ME2: variants seen among roughly 807,000 people sequenced by gnomAD.
ME2 encodes the protein malic enzyme 2.
A neutral mutation model predicts 73.7 loss-of-function variants in ME2; 60 were observed. That is an observed-to-expected ratio of 0.81 (90% confidence interval 0.66 to 1.01). ME2 has a LOEUF of 1.01. ME2 is among the 50% of genes least tolerant of loss of function. ME2 has a pLI of 0.00. For synonymous variants in ME2, 199 were observed against 236.9 expected (o/e 0.84, Z 1.47); for missense variants, 594 against 705.5 (o/e 0.84, Z 1.79).
At chr18:50,898,213 A>C (rs1317692254) in intron 2 of ME2, among the ~76,000 whole-genome samples, 1 of 152,228 alleles carries the variant, frequency 6.6e-6, no homozygotes, top group Non-Finnish European at 1.5e-5. Flanking sequence ...ATCTTCTTAA[A>C]TGTATGTCTG....
In ME2 at chr18:50,949,401, A is replaced by G. The variant is rs942297357; in HGVS notation, c.*2217A>G. 6.6e-6 allele frequency: 1 copy of G among 152,272 alleles called. No homozygotes were observed. Among genetic ancestry groups the G allele is most frequent in the Non-Finnish European group, 1.5e-5 (1 of 68,140 alleles). The allele number at this position is 152,272 out of a possible 1,614,324, so 9.4% of individuals were successfully genotyped here. Reference sequence around the variant, plus strand: ...CGGTGGCTGTTCACAGGCGTGGGTCATAGAGCACTGCAGCCTGGAACTCCT... The same window carrying G: ...CGGTGGCTGTTCACAGGCGTGGGTCGTAGAGCACTGCAGCCTGGAACTCCT... On this transcript the variant is annotated 3_prime_UTR_variant, in exon 16 of 16. Transcript: ENST00000321341.
chr18:50,927,657 G>A (rs1040826261), intron 12 of ME2, among the ~76,000 whole-genome samples: 4 of 143,774 alleles, frequency 2.8e-5, no homozygotes, highest in East Asian at 2.0e-4. Flanking sequence ...AGCCGAGATC[G>A]CACCACTGCA....
rs564963370 is a variant in ME2 at position 50,879,134 on chromosome 18, G to T, written c.-187G>T. 2 of 152,196 alleles carry T rather than the reference G, an allele frequency of 1.3e-5. No homozygotes were observed. Among genetic ancestry groups the T allele is most frequent in the African/African-American group, 2.4e-5 (1 of 41,442 alleles). 9.4% of individuals were successfully genotyped at this position (152,196 alleles called of 1,614,324 possible). On this transcript the variant is annotated 5_prime_UTR_variant, in exon 1 of 16. Transcript: ENST00000321341. ...CCCTCCCCTCTCTCGGCCGCTCTTC[G>T]GGCCGCCTCTGCGTGTGGGGCCGCC...
At chr18:50,884,409 G>A (rs962432959) in intron 1 of ME2, among the ~76,000 whole-genome samples, 3 of 152,212 alleles carry the variant, frequency 2.0e-5, no homozygotes, top group Non-Finnish European at 4.4e-5. Context: ...GTGCAGTGGC[G>A]TGATCTCAGC....
At chr18:50,927,073 T>G (rs1473957523) in intron 12 of ME2, among the ~76,000 whole-genome samples, 1 of 152,216 alleles carries the variant, frequency 6.6e-6, no homozygotes, top group Non-Finnish European at 1.5e-5. Flanking sequence ...CTTTTAGATC[T>G]TTGACACTAC....
At chr18:50,942,234 G>A (rs1049902449) in intron 15 of ME2, among the ~76,000 whole-genome samples, 1 of 152,148 alleles carries the variant, frequency 6.6e-6, no homozygotes, top group Non-Finnish European at 1.5e-5. Flanking sequence ...AGTTGCCCCA[G>A]CATTATTTAT....
At position 50,951,053 on chromosome 18, in the gene ME2, TAAA is replaced by T. The variant is rs1449311492; in HGVS notation, c.*3872_*3874del. 5.3e-5 allele frequency: 8 copies of T among 152,312 alleles called. No homozygotes were observed. Among genetic ancestry groups the T allele is most frequent in the South Asian group, 4.1e-4 (2 of 4,832 alleles). 9.4% of individuals were successfully genotyped at this position (152,312 alleles called of 1,614,324 possible). A position where few individuals can be genotyped will look rare whatever the true frequency, so the allele number is the denominator to read the frequency against. ...TTTTGAACATATTTTTCTGAAAACA[TAAA>T]AACTAGAGTACTCTTTAATTCTAAA... is the stretch of plus-strand genomic sequence containing the variant. On this transcript the variant is annotated 3_prime_UTR_variant, in exon 16 of 16. Coordinates refer to ENST00000321341, the MANE Select transcript of ME2 (RefSeq NM_002396.5).
At chr18:50,890,807 C>T (rs1034190443) in intron 1 of ME2, among the ~76,000 whole-genome samples, 1 of 152,120 alleles carries the variant, frequency 6.6e-6, no homozygotes, top group African/African-American at 2.4e-5. Context: ...TAGTAGGAAG[C>T]AATTTTAATT....
intron 15 of ME2, among the ~76,000 whole-genome samples, chr18:50,943,425 G>A (rs935608819): frequency 7.2e-5 from 11 of 152,008 alleles, no homozygotes; most frequent in Admixed American, 2.0e-4. Flanking sequence ...TCAGCCTCCC[G>A]AGTAGCTGGG....
intron 2 of ME2, among the ~76,000 whole-genome samples, chr18:50,906,301 A>C (rs532907807): frequency 6.6e-6 from 1 of 152,074 alleles, no homozygotes; most frequent in South Asian, 2.1e-4. Flanking sequence ...TTGTTTAGTG[A>C]TATTTCCAAA....
chr18:50,901,445 G>A (rs1464052925), intron 2 of ME2, among the ~76,000 whole-genome samples: 1 of 152,178 alleles, frequency 6.6e-6, no homozygotes, highest in Non-Finnish European at 1.5e-5. Context: ...TTTAAAGTAT[G>A]AAATGAGTAC....
At chr18:50,915,093 C>A (rs1917254152) in intron 4 of ME2, among the ~76,000 whole-genome samples, 1 of 110,274 alleles carries the variant, frequency 9.1e-6, no homozygotes, top group Non-Finnish European at 1.7e-5. Flanking sequence ...ACCAACCCCT[C>A]CTCCTCCTCC....
intron 7 of ME2, 107 bp from the exon 8 acceptor site, chr18:50,920,349 A>G: frequency 2.7e-6 from 2 of 754,236 alleles, no homozygotes; most frequent in Non-Finnish European, 4.2e-6. Flanking sequence ...CCTTAATTGA[A>G]CTAACATAAT....
At chr18:50,879,929 ACTTT>A (rs1247841371) in intron 1 of ME2, among the ~76,000 whole-genome samples, 2 of 152,014 alleles carry the variant, frequency 1.3e-5, no homozygotes, top group Non-Finnish European at 2.9e-5. Context: ...CTAGGTTTCG[ACTTT>A]CTTTTTTGGT....
In ME2 at chr18:50,925,754, A is replaced by G; in HGVS notation, c.1172-2A>G. The G allele has an allele frequency of 1.2e-6, 2 of 1,613,508 alleles. No individual in the cohort carries two copies. The highest frequency in any genetic ancestry group is 1.7e-6 in the Non-Finnish European group (2 of 1,179,666). On this transcript the variant is annotated splice_acceptor_variant, in intron 11 of 15. Coordinates refer to ENST00000321341, the MANE Select transcript of ME2 (RefSeq NM_002396.5). LOFTEE classifies it high-confidence loss of function. ...GCTGTTTTTCCCCCTTACTTATTAC[A>G]GGAGTTGCAGGTGCTGGCCGTCTTT... is the stretch of plus-strand genomic sequence containing the variant.
At chr18:50,889,856 G>T (rs374223952) in intron 1 of ME2, among the ~76,000 whole-genome samples, 1 of 152,090 alleles carries the variant, frequency 6.6e-6, no homozygotes, top group African/African-American at 2.4e-5. Flanking sequence ...AATATGTTTC[G>T]CTTGGACTTC....
At chr18:50,916,531 CT>C (rs1191414768) in intron 5 of ME2, 1 of 236,202 alleles carries the variant, frequency 4.2e-6, no homozygotes, top group African/African-American at 2.3e-5. Context: ...TTCTATTTCA[CT>C]AATATTATTC....
intron 2 of ME2, among the ~76,000 whole-genome samples, chr18:50,904,104 T>G (rs1249507677): frequency 6.6e-6 from 1 of 152,214 alleles, no homozygotes; most frequent in African/African-American, 2.4e-5. Flanking sequence ...CATTGTAAAA[T>G]GTCCTCTGTA....
chr18:50,911,547 A>G lies in ME2; in HGVS notation c.243-1254A>G, dbSNP rs192091245. Reference sequence around the variant, plus strand: ...GCTATCATGGGACCTGAAAACAGGAAAGTCTAAAGCGTGTATGTATACATG... The same window carrying G: ...GCTATCATGGGACCTGAAAACAGGAGAGTCTAAAGCGTGTATGTATACATG... On this transcript the variant is annotated intron_variant, in intron 3 of 15. Transcript: ENST00000321341. Among the ~76,000 whole-genome samples, 136 of 152,280 alleles carry G rather than the reference A, an allele frequency of 8.9e-4. 1 individual carries two copies. The highest frequency in any genetic ancestry group is 7.0e-3 in the South Asian group (34 of 4,826).
Sources: gnomAD v4.1 joint callset for allele counts (sites outside exome capture counted in the v4.1 genomes callset) on GRCh38, gnomAD v4.1.1 for gene constraint, MANE v1.5 for transcripts, NCBI Gene and HGNC (gene_info 2026-07-23, HGNC 2026-07-21) for gene names.